The following LPP variants were observed in gnomAD, a reference collection of about 807,000 sequenced individuals.
The protein encoded by LPP is LIM domain containing preferred translocation partner in lipoma.
A neutral mutation model predicts 60.4 loss-of-function variants in LPP; 38 were observed. The ratio of observed to expected loss-of-function variants is 0.63; its 90% CI spans 0.49 to 0.83. The LOEUF is 0.83. LPP is among the 40% of genes least tolerant of loss of function. LPP has a pLI of 0.00. For missense variants in LPP, 902 were observed against 783.6 expected, an observed-to-expected ratio of 1.15 and a Z score of -1.80; for synonymous variants, 328 against 290.8, an observed-to-expected ratio of 1.13 and a Z score of -1.30.
chr3:188,326,321 A>G (rs1758418542), intron 2 of LPP, among the ~76,000 whole-genome samples: 1 of 152,218 alleles, frequency 6.6e-6, no homozygotes, highest in African/African-American at 2.4e-5. Context: ...TTTCTGAGTC[A>G]GTTTAAAATG....
chr3:188,672,217 C>A (rs1294328764), intron 7 of LPP, among the ~76,000 whole-genome samples: 1 of 151,958 alleles, frequency 6.6e-6, no homozygotes, highest in African/African-American at 2.4e-5. Flanking sequence ...TTTCTTGATA[C>A]TAAGGCAGTT....
chr3:188,708,120 T>C, intron 7 of LPP, 147 bp from the exon 8 acceptor site: 1 of 768,020 alleles, frequency 1.3e-6, no homozygotes, highest in Non-Finnish European at 2.1e-6. Flanking sequence ...ACTGAATAAG[T>C]GATAAAACTA....
chr3:188,632,488 A>T (rs1360763044), intron 7 of LPP, among the ~76,000 whole-genome samples: 1 of 152,190 alleles, frequency 6.6e-6, no homozygotes, highest in African/African-American at 2.4e-5. Flanking sequence ...TGTAACAGTT[A>T]AAGTTTTTTG....
At chr3:188,555,000 GAGCCAT>G (rs1157801250) in intron 6 of LPP, among the ~76,000 whole-genome samples, 1 of 152,124 alleles carries the variant, frequency 6.6e-6, no homozygotes, top group African/African-American at 2.4e-5. Flanking sequence ...GGGTTGAGTG[GAGCCAT>G]AGTTGCTATT....
At chr3:188,550,938 A>C (rs946812514) in intron 6 of LPP, among the ~76,000 whole-genome samples, 1 of 152,120 alleles carries the variant, frequency 6.6e-6, no homozygotes, top group Non-Finnish European at 1.5e-5. Context: ...CTCCTTATGA[A>C]CTTCAGGGAG....
At chr3:188,454,728 A>C (rs1797345630) in intron 4 of LPP, among the ~76,000 whole-genome samples, 1 of 152,150 alleles carries the variant, frequency 6.6e-6, no homozygotes, top group Non-Finnish European at 1.5e-5. Flanking sequence ...GAGGAAGCAA[A>C]AGCGGGAACC....
At chr3:188,202,618 T>A (rs548012608) in intron 1 of LPP, among the ~76,000 whole-genome samples, 1 of 152,320 alleles carries the variant, frequency 6.6e-6, no homozygotes, top group South Asian at 2.1e-4. Context: ...GGGAGTGGCT[T>A]GCTTGTCTGC....
intron 3 of LPP, among the ~76,000 whole-genome samples, chr3:188,356,801 T>A (rs1265810597): frequency 3.3e-5 from 5 of 152,248 alleles, no homozygotes; most frequent in African/African-American, 1.2e-4. Context: ...ATAAACTAAC[T>A]TTCCAACTTA....
intron 7 of LPP, among the ~76,000 whole-genome samples, chr3:188,643,741 C>T (rs1049273862): frequency 2.0e-5 from 3 of 152,154 alleles, no homozygotes; most frequent in South Asian, 4.2e-4. Context: ...TAAAATGCCC[C>T]GTATTTCAGT....
At chr3:188,689,603 C>G (rs755916675) in intron 7 of LPP, among the ~76,000 whole-genome samples, 2 of 152,068 alleles carry the variant, frequency 1.3e-5, no homozygotes, top group Non-Finnish European at 2.9e-5. Flanking sequence ...ACATAATGTC[C>G]TCCAGGTTTG....
At chr3:188,758,051 T>C (rs1460532453) in intron 8 of LPP, among the ~76,000 whole-genome samples, 1 of 152,154 alleles carries the variant, frequency 6.6e-6, no homozygotes, top group African/African-American at 2.4e-5. Flanking sequence ...ACAAATACTA[T>C]ACAAAATTTT....
At chr3:188,794,089 C>T (rs1404023960) in intron 9 of LPP, among the ~76,000 whole-genome samples, 1 of 152,128 alleles carries the variant, frequency 6.6e-6, no homozygotes, top group Non-Finnish European at 1.5e-5. Flanking sequence ...CATTTTATTC[C>T]CTGCAGTACA....
At chr3:188,498,990 T>G (rs541834847) in intron 5 of LPP, among the ~76,000 whole-genome samples, 32 of 152,322 alleles carry the variant, frequency 2.1e-4, no homozygotes, top group Non-Finnish European at 2.9e-4. Context: ...TTTATTCATT[T>G]TTGAATTTGA....
At chr3:188,641,658 A>C (rs1405214744) in intron 7 of LPP, among the ~76,000 whole-genome samples, 3 of 152,204 alleles carry the variant, frequency 2.0e-5, no homozygotes, top group Non-Finnish European at 4.4e-5. Flanking sequence ...ATTGCCATTA[A>C]AATAATTTTG....
intron 2 of LPP, chr3:188,240,246 A>G (rs147095626): frequency 5.8e-6 from 1 of 173,896 alleles, no homozygotes; most frequent in African/African-American, 2.4e-5. Flanking sequence ...ATCAAATTTT[A>G]AGCCAAAAAG....
At chr3:188,689,934 C>G (rs1314165646) in intron 7 of LPP, among the ~76,000 whole-genome samples, 1 of 149,134 alleles carries the variant, frequency 6.7e-6, no homozygotes, top group Non-Finnish European at 1.5e-5. Context: ...TTTTTTGGCT[C>G]AATAAGTGAC....
intron 2 of LPP, among the ~76,000 whole-genome samples, chr3:188,261,584 CAT>C (rs754842256): frequency 1.3e-5 from 2 of 152,132 alleles, no homozygotes; most frequent in Non-Finnish European, 2.9e-5. Flanking sequence ...ATATTTAAAT[CAT>C]ATATAGCTTC....
chr3:188,227,776 C>G (rs745979048), intron 2 of LPP, among the ~76,000 whole-genome samples: 2 of 152,172 alleles, frequency 1.3e-5, no homozygotes, highest in African/African-American at 2.4e-5. Context: ...TATCCCTGTT[C>G]CCATTTAGGG....
chr3:188,834,934 A>G (rs1758027788), intron 9 of LPP, among the ~76,000 whole-genome samples: 1 of 152,286 alleles, frequency 6.6e-6, no homozygotes. Flanking sequence ...TTAGCCTTCC[A>G]TTTTATAGAT....
Sources: gnomAD v4.1 joint callset for allele counts (sites outside exome capture counted in the v4.1 genomes callset) on GRCh38, gnomAD v4.1.1 for gene constraint, MANE v1.5 for transcripts, NCBI Gene and HGNC (gene_info 2026-07-23, HGNC 2026-07-21) for gene names.